The following ADD2 variants were observed in gnomAD, a reference collection of about 807,000 sequenced individuals.
The protein encoded by ADD2 is beta-adducin.
Under a neutral mutation model 83.0 loss-of-function variants are expected in ADD2, and 23 were observed. That is an observed-to-expected ratio of 0.28 (90% CI 0.20 to 0.39). ADD2 has a LOEUF of 0.39. Ranked by LOEUF, ADD2 falls within the 10% of genes least tolerant of loss-of-function variation. ADD2 has a pLI of 1.00. For synonymous variants in ADD2, 375 were observed against 375.4 expected (o/e 1.00, Z 0.01); for missense variants, 758 against 944.9 (o/e 0.80, Z 2.59).
chr2:70,681,981 A>G (rs532036279), intron 10 of ADD2, among the ~76,000 whole-genome samples: 40 of 152,210 alleles, frequency 2.6e-4, no homozygotes, highest in African/African-American at 9.1e-4. Flanking sequence ...CAGACTCCCA[A>G]GGTGCTGAGA....
intron 1 of ADD2, among the ~76,000 whole-genome samples, chr2:70,722,831 T>A (rs1672798253): frequency 6.6e-6 from 1 of 152,180 alleles, no homozygotes; most frequent in African/African-American, 2.4e-5. Flanking sequence ...CACCTATATT[T>A]CTGATTAGGC....
chr2:70,678,589 G>T (rs952921204), intron 11 of ADD2, 115 bp downstream of exon 11: 1 of 1,417,900 alleles, frequency 7.1e-7, no homozygotes, highest in East Asian at 2.4e-5. Context: ...AGCCCAAAGA[G>T]GATGCTACTA....
chr2:70,709,306 G>A lies in ADD2; in HGVS notation c.-34-2864C>T, dbSNP rs371445403. 2.6e-5 allele frequency among the ~76,000 whole-genome samples: 4 copies of A among 150,978 alleles called. No individual in the cohort carries two copies. In the South Asian group the frequency reaches 6.3e-4, roughly 24 times the overall value. ...TGAAGGGTCGGAGGTAGGGGAAGGGGTCTGCTGGGAGTGGGAGCCAAAAAA... is the reference window on the plus strand; with the variant it reads ...TGAAGGGTCGGAGGTAGGGGAAGGGATCTGCTGGGAGTGGGAGCCAAAAAA... On this transcript the variant is annotated intron_variant, in intron 2 of 15. Transcript: ENST00000264436.
intron 1 of ADD2, among the ~76,000 whole-genome samples, chr2:70,742,649 T>C (rs1673976409): frequency 6.6e-6 from 1 of 152,128 alleles, no homozygotes; most frequent in East Asian, 1.9e-4. Flanking sequence ...GTGAATGAAA[T>C]AAGAGGAATG....
chr2:70,736,974 A>T (rs937699662), intron 1 of ADD2, among the ~76,000 whole-genome samples: 1 of 152,234 alleles, frequency 6.6e-6, no homozygotes, highest in Admixed American at 6.5e-5. Context: ...ACATGAAAAA[A>T]TGCTCATCAT....
chr2:70,667,701 C>T (rs1320959670), intron 15 of ADD2, among the ~76,000 whole-genome samples: 3 of 151,158 alleles, frequency 2.0e-5, no homozygotes, highest in Admixed American at 6.6e-5. Context: ...TCACTGCAAC[C>T]TCTGCCTCCC....
At position 70,705,440 on chromosome 2, in the gene ADD2, T is replaced by C. The variant is rs186336213; in HGVS notation, c.183+786A>G. ...ATCTCGAGCCCATCCTGGCAAGCAA[T>C]TGGAGATGCCAACTCTGTCCCTGGG... On this transcript the variant is annotated intron_variant, in intron 3 of 15. Transcript: ENST00000264436. 4.7e-3 allele frequency among the ~76,000 whole-genome samples: 721 copies of C among 152,174 alleles called. 8 individuals are homozygous for C. The highest frequency in any genetic ancestry group is 0.017 in the African/African-American group (693 of 41,530).
intron 1 of ADD2, among the ~76,000 whole-genome samples, chr2:70,743,367 T>G (rs1325054221): frequency 1.3e-5 from 2 of 152,180 alleles, no homozygotes; most frequent in Non-Finnish European, 2.9e-5. Context: ...TGGATTACCA[T>G]GAAAGAAATG....
chr2:70,765,592 G>A (rs1675340873), intron 1 of ADD2, among the ~76,000 whole-genome samples: 1 of 152,206 alleles, frequency 6.6e-6, no homozygotes. Context: ...ACAGAACCTG[G>A]CACGTAGTAA....
rs374727628 is a variant in ADD2, at chr2:70,735,858, C to CTTTTT, written c.-153-22679_-153-22675dup. ...CTTAGGTGCCCGCAGCCATGCCCGG[C>CTTTTT]TTTTTTTTTTTTTTTTTTTTTTTTA... On this transcript the variant is annotated intron_variant, in intron 1 of 15. Transcript: ENST00000264436. Among the ~76,000 whole-genome samples the CTTTTT allele has an allele frequency of 8.8e-4, 64 of 72,438 alleles. 1 individual carries two copies. The highest frequency in any genetic ancestry group is 1.5e-3 in the East Asian group (3 of 2,050). The allele number at this position is 72,438 out of a possible 152,430, so 47.5% of individuals were successfully genotyped here.
chr2:70,688,315 G>T (rs782163646), intron 8 of ADD2, among the ~76,000 whole-genome samples, 193 bp from the exon 9 acceptor site: 3 of 152,198 alleles, frequency 2.0e-5, no homozygotes, highest in Non-Finnish European at 4.4e-5. Context: ...TCTACCCTAA[G>T]AAATTGAAAA....
At chr2:70,746,284 A>T (rs1674190167) in intron 1 of ADD2, among the ~76,000 whole-genome samples, 1 of 152,168 alleles carries the variant, frequency 6.6e-6, no homozygotes, top group African/African-American at 2.4e-5. Flanking sequence ...TGGTGGAATT[A>T]TTTACCATGG....
At chr2:70,743,140 G>A (rs6707907) in intron 1 of ADD2, among the ~76,000 whole-genome samples, 5,448 of 152,182 alleles carry the variant, frequency 0.036, 308 homozygotes, top group African/African-American at 0.13. Context: ...ACTGGTCAGC[G>A]TCCATAGCCT....
chr2:70,725,674 G>T (rs377431516), intron 1 of ADD2, among the ~76,000 whole-genome samples: 1 of 152,028 alleles, frequency 6.6e-6, no homozygotes, highest in African/African-American at 2.4e-5. Context: ...GCTGGGAGAC[G>T]CACGGAAGCA....
intron 1 of ADD2, among the ~76,000 whole-genome samples, chr2:70,728,493 C>A (rs1361290357): frequency 6.6e-6 from 1 of 152,190 alleles, no homozygotes; most frequent in African/African-American, 2.4e-5. Flanking sequence ...ACTTGCCCTC[C>A]TTCGAGAAGA....
rs1300356826 is a variant in ADD2 at position 70,706,160 on chromosome 2, G to T, written c.183+66C>A. On this transcript the variant is annotated intron_variant, in intron 3 of 15. Coordinates refer to ENST00000264436, the MANE Select transcript of ADD2 (RefSeq NM_001617.4). The surrounding 1 kb of genome is among the most constrained non-coding windows in gnomAD (Gnocchi z 5.0). Reference sequence around the variant, plus strand: ...GAAAGAGGAGTTACTCATCTTTCGGGTGGGTACACGTCCTGAAGAGCCAGC... The same window carrying T: ...GAAAGAGGAGTTACTCATCTTTCGGTTGGGTACACGTCCTGAAGAGCCAGC... The T allele has an allele frequency of 3.3e-6, 5 of 1,528,024 alleles. No homozygotes were observed. The African/African-American group carries it at 6.8e-5, about 21-fold the overall frequency. The allele number at this position is 1,528,024 out of a possible 1,614,324, so 94.7% of individuals were successfully genotyped here.
intron 1 of ADD2, among the ~76,000 whole-genome samples, chr2:70,726,713 T>C (rs1046568817): frequency 6.6e-6 from 1 of 152,210 alleles, no homozygotes; most frequent in Non-Finnish European, 1.5e-5. Context: ...TCACCTCTAA[T>C]GTAGCCCGTG....
At chr2:70,705,221 T>C (rs900742419) in intron 3 of ADD2, among the ~76,000 whole-genome samples, 2 of 152,134 alleles carry the variant, frequency 1.3e-5, no homozygotes, top group Non-Finnish European at 2.9e-5. Context: ...TTCACCCCAA[T>C]GCTTTCAGCA....
Position 70,688,266 on chromosome 2 carries a change from AC to A in ADD2, c.850-145del, listed in dbSNP as rs1357479831. Reference sequence around the variant, plus strand: ...AACTCCTTATGTTCTCTAATCAAATACCCCAAAGCTACCCCACATGGGATTT... The same window carrying A: ...AACTCCTTATGTTCTCTAATCAAATACCCAAAGCTACCCCACATGGGATTT... On this transcript the variant is annotated intron_variant, in intron 8 of 15. Transcript: ENST00000264436. The A allele has an allele frequency of 1.4e-5, 8 of 580,002 alleles. No homozygotes were observed. In the East Asian group the frequency reaches 1.5e-4, roughly 11 times the overall value. 35.9% of individuals were successfully genotyped at this position (580,002 alleles called of 1,614,324 possible).
Sources: gnomAD v4.1 joint callset for allele counts (sites outside exome capture counted in the v4.1 genomes callset) on GRCh38, gnomAD v4.1.1 for gene constraint, Gnocchi (gnomAD v3.1) non-coding constraint, MANE v1.5 for transcripts, NCBI Gene and HGNC (gene_info 2026-07-23, HGNC 2026-07-21) for gene names.